Variants in UGT1A4 observed in about 807,000 individuals in gnomAD.
UGT1A4 encodes the protein UDP-glucuronosyltransferase 1A4.
A neutral mutation model predicts 41.1 loss-of-function variants in UGT1A4; 32 were observed. That is an observed-to-expected ratio of 0.78 (90% CI 0.59 to 1.05). UGT1A4 has a LOEUF of 1.05. UGT1A4 is among the 50% of genes least tolerant of loss of function. The pLI is 0.00. For missense variants in UGT1A4, 748 were observed against 677.4 expected (o/e 1.10, Z -1.16); for synonymous variants, 283 against 265.1 (o/e 1.07, Z -0.66).
Position 233,766,889 on chromosome 2 carries a change from C to T in UGT1A4, c.868-145C>T, listed in dbSNP as rs35858210. ...GGAGAGGAAAATGCTGTAAAACTTA[C>T]ATATTAATAATTTTTTACTCTATCT... On this transcript the variant is annotated intron_variant, in intron 1 of 4. Coordinates refer to ENST00000373409, the MANE Select transcript of UGT1A4 (RefSeq NM_007120.3). 3,026 of 1,464,588 alleles carry T rather than the reference C, an allele frequency of 2.1e-3. 24 individuals are homozygous for T. The highest frequency in any genetic ancestry group is 0.013 in the Middle Eastern group (51 of 4,042). The allele number at this position is 1,464,588 out of a possible 1,614,324, so 90.7% of individuals were successfully genotyped here.
chr2:233,730,574 G>A (rs1277853896), intron 1 of UGT1A4, among the ~76,000 whole-genome samples: 1 of 152,170 alleles, frequency 6.6e-6, no homozygotes, highest in African/African-American at 2.4e-5. Context: ...ACGAAGTTCA[G>A]TTTCCAGACA....
At chr2:233,760,223 T>G (rs1453955510) in intron 1 of UGT1A4, 1 of 1,589,146 alleles carries the variant, frequency 6.3e-7, no homozygotes, top group African/African-American at 1.5e-5. Flanking sequence ...GTGTATCGAT[T>G]GGTTTTTGCC....
At chr2:233,759,615 C>CACCT (rs1177524804) in intron 1 of UGT1A4, among the ~76,000 whole-genome samples, 1 of 149,432 alleles carries the variant, frequency 6.7e-6, no homozygotes, top group Non-Finnish European at 1.5e-5. Context: ...CCCACCCACC[C>CACCT]ACCTGTTCAT....
In UGT1A4 at chr2:233,719,366, T is replaced by C. The variant is rs755765177; in HGVS notation, c.546T>C (p.Phe182=). 3.1e-6 allele frequency: 5 copies of C among 1,613,968 alleles called. No individual in the cohort carries two copies. The highest frequency in any genetic ancestry group is 1.1e-5 in the South Asian group (1 of 91,064). Residue 182 remains phenylalanine (F), a synonymous_variant, in exon 1 of 5, where the codon TTT becomes TTC. Transcript: ENST00000373409. ...GGTACATTCCATGTGACTTAGACTT[T>C]AAGGGCACACAGTGTCCAAATCCTT... ...FWRYIPCDLD[F]KGTQCPNPSS... is the part of the protein sequence containing the mutation.
intron 1 of UGT1A4, among the ~76,000 whole-genome samples, chr2:233,761,716 C>T (rs1291431022): frequency 6.6e-6 from 1 of 152,198 alleles, no homozygotes; most frequent in Non-Finnish European, 1.5e-5. Flanking sequence ...CATTCTCAAG[C>T]TATTAGGTTT....
At chr2:233,738,017 G>A (rs1338863372) in intron 1 of UGT1A4, among the ~76,000 whole-genome samples, 1 of 152,028 alleles carries the variant, frequency 6.6e-6, no homozygotes, top group Non-Finnish European at 1.5e-5. Flanking sequence ...ATCTTGAATT[G>A]TAATCCCCAT....
rs146196081 is a variant in UGT1A4 at position 233,726,249 on chromosome 2, T to G, written c.867+6562T>G. ...TTTTTAAAACTCCAATATGAAAAGC[T>G]GGGTGCAGTGGCATGCGCCTATGGT... On this transcript the variant is annotated intron_variant, in intron 1 of 4. Transcript: ENST00000373409. Among the ~76,000 whole-genome samples, 3 of 152,316 alleles carry G rather than the reference T, an allele frequency of 2.0e-5. No individual in the cohort carries two copies. In the East Asian group the frequency reaches 5.8e-4, roughly 29 times the overall value.
At chr2:233,760,549 G>A (rs2125985791) in intron 1 of UGT1A4, 1 of 1,614,268 alleles carries the variant, frequency 6.2e-7, no homozygotes, top group Non-Finnish European at 8.5e-7. Context: ...AAGGGAGGAT[G>A]TGAAAGAGTC....
In UGT1A4 at chr2:233,754,812, C is replaced by A. The variant is rs570173329; in HGVS notation, c.868-12222C>A. 401 of 1,317,492 alleles carry A rather than the reference C, an allele frequency of 3.0e-4. 1 individual carries two copies. Among genetic ancestry groups the A allele is most frequent in the Non-Finnish European group, 3.4e-4 (334 of 983,548 alleles). 81.6% of individuals were successfully genotyped at this position (1,317,492 alleles called of 1,614,324 possible). On this transcript the variant is annotated intron_variant, in intron 1 of 4. Transcript: ENST00000373409. ...AAATCCTGTATCAAAAGAAGAAAAA[C>A]CACCCTCAAAAGCTGGAAATTCACT...
intron 1 of UGT1A4, among the ~76,000 whole-genome samples, chr2:233,732,928 C>A (rs2078337101): frequency 6.6e-6 from 1 of 152,058 alleles, no homozygotes; most frequent in African/African-American, 2.4e-5. Flanking sequence ...GATATTGATT[C>A]TTCCTATCCA....
At chr2:233,724,616 A>G (rs1272426600) in intron 1 of UGT1A4, among the ~76,000 whole-genome samples, 3 of 132,176 alleles carry the variant, frequency 2.3e-5, no homozygotes, top group Non-Finnish European at 4.8e-5. Flanking sequence ...CCGGGCAGAG[A>G]CGCTCCTCAC....
At chr2:233,732,944 A>G (rs2078339479) in intron 1 of UGT1A4, among the ~76,000 whole-genome samples, 2 of 152,256 alleles carry the variant, frequency 1.3e-5, no homozygotes, top group Admixed American at 1.3e-4. Flanking sequence ...ATCCATGAGC[A>G]TGGAATGTTC....
intron 1 of UGT1A4, chr2:233,755,212 T>G (rs1192331400): frequency 1.0e-5 from 11 of 1,054,576 alleles, no homozygotes; most frequent in Admixed American, 3.8e-5. Context: ...TACGCCTTCT[T>G]GATACCCTCG....
At chr2:233,726,988 C>G (rs926323067) in intron 1 of UGT1A4, among the ~76,000 whole-genome samples, 1 of 152,120 alleles carries the variant, frequency 6.6e-6, no homozygotes, top group African/African-American at 2.4e-5. Context: ...TGATGAGGTT[C>G]TTTCTAGCAA....
At chr2:233,732,002 T>C (rs950186664) in intron 1 of UGT1A4, among the ~76,000 whole-genome samples, 3 of 152,234 alleles carry the variant, frequency 2.0e-5, no homozygotes, top group South Asian at 2.1e-4. Context: ...TGGTATCTCA[T>C]TGTGGTTTTG....
chr2:233,732,491 G>C (rs2078277283), intron 1 of UGT1A4, among the ~76,000 whole-genome samples: 1 of 152,184 alleles, frequency 6.6e-6, no homozygotes, highest in African/African-American at 2.4e-5. Flanking sequence ...TTTGTATAAG[G>C]CGTAAGGAAG....
intron 1 of UGT1A4, among the ~76,000 whole-genome samples, chr2:233,733,037 G>T (rs562709334): frequency 5.5e-4 from 83 of 152,142 alleles, no homozygotes; most frequent in Non-Finnish European, 1.1e-3. Context: ...TCCCTTTTAA[G>T]TTGGATTCCT....
At chr2:233,755,117 C>T (rs1274976698) in intron 1 of UGT1A4, 1 of 1,330,518 alleles carries the variant, frequency 7.5e-7, no homozygotes, top group Admixed American at 1.9e-5. Flanking sequence ...CCTCGTAGGC[C>T]TCAGCCACCT....
At position 233,769,083 on chromosome 2, in the gene UGT1A4, A is replaced by G. The variant is rs1376592971; in HGVS notation, c.1307+644A>G. On this transcript the variant is annotated intron_variant, in intron 4 of 4. Coordinates refer to ENST00000373409, the MANE Select transcript of UGT1A4 (RefSeq NM_007120.3). This position sits in a 1 kb window ranked among gnomAD's most constrained non-coding sequence, Gnocchi z 4.4. The stretch of plus-strand genomic sequence containing the variant: ...ACAGAAAGAAATACTCCATTATAAG[A>G]AGCATAGTATCTTTAAGAGAAAAAC... 1.3e-5 allele frequency among the ~76,000 whole-genome samples: 2 copies of G among 152,224 alleles called. No homozygotes were observed. Among genetic ancestry groups the G allele is most frequent in the Non-Finnish European group, 2.9e-5 (2 of 68,046 alleles).
Sources: allele counts gnomAD v4.1 joint callset (sites outside exome capture counted in the v4.1 genomes callset), GRCh38; gene constraint gnomAD v4.1.1; non-coding constraint Gnocchi (gnomAD v3.1); transcripts MANE v1.5; gene names NCBI Gene and HGNC (gene_info 2026-07-23, HGNC 2026-07-21).